The following SNX2 variants were observed in gnomAD, a reference collection of about 807,000 sequenced individuals.
The protein encoded by SNX2 is sorting nexin-2.
SNX2 carries 25 observed loss-of-function variants against 69.9 expected under a neutral mutation model. The ratio of observed to expected loss-of-function variants is 0.36; its 90% CI spans 0.26 to 0.50. SNX2 has a LOEUF of 0.50. Among genes scored for constraint, SNX2 ranks in the 20% least tolerant of loss-of-function variants. The pLI is 0.97. For missense variants in SNX2, 551 were observed against 613.3 expected (o/e 0.90, Z 1.07); for synonymous variants, 229 against 200.4 (o/e 1.14, Z -1.20).
chr5:122,809,951 A>T (rs1473490873), intron 7 of SNX2, among the ~76,000 whole-genome samples: 7 of 152,174 alleles, frequency 4.6e-5, no homozygotes, highest in Non-Finnish European at 1.0e-4. Flanking sequence ...TTATTGTAGG[A>T]GAGGTCATAG....
intron 3 of SNX2, 59 bp from the exon 4 acceptor site, chr5:122,801,810 G>T: frequency 1.9e-6 from 2 of 1,067,540 alleles, no homozygotes; most frequent in Non-Finnish European, 2.8e-6. Flanking sequence ...AAAAATTAGT[G>T]TCATGACAAT....
chr5:122,791,076 C>T (rs1753223860), intron 1 of SNX2, among the ~76,000 whole-genome samples: 1 of 151,144 alleles, frequency 6.6e-6, no homozygotes, highest in Non-Finnish European at 1.5e-5. Context: ...ATATTGGAGC[C>T]ACTCTGCCAT....
rs1754315429 is a variant in SNX2 at position 122,832,488 on chromosome 5, T to C, written c.*2840T>C. On this transcript the variant is annotated 3_prime_UTR_variant, in exon 15 of 15. Transcript: ENST00000379516. The stretch of plus-strand genomic sequence containing the variant: ...TTTCAAGTATTCAGCTTTATACTAA[T>C]ATATTAATCTCAAAATACCTTTGTT... 6.6e-6 allele frequency: 1 copy of C among 152,216 alleles called. No individual in the cohort carries two copies. Among genetic ancestry groups the C allele is most frequent in the Non-Finnish European group, 1.5e-5 (1 of 68,038 alleles). The allele number at this position is 152,216 out of a possible 1,614,324, so 9.4% of individuals were successfully genotyped here. A position where few individuals can be genotyped will look rare whatever the true frequency, so the allele number is the denominator to read the frequency against.
At chr5:122,807,687 C>T (rs1753688101) in intron 6 of SNX2, among the ~76,000 whole-genome samples, 1 of 152,156 alleles carries the variant, frequency 6.6e-6, no homozygotes, top group Non-Finnish European at 1.5e-5. Flanking sequence ...ATTAACATGA[C>T]TTATTTTTTA....
chr5:122,827,821 G>GTT lies in SNX2; in HGVS notation c.1509+188_1509+189dup, dbSNP rs5871011. The GTT allele has an allele frequency of 5.1e-3, 2,273 of 447,024 alleles. 17 individuals carry two copies. The highest frequency in any genetic ancestry group is 0.028 in the African/African-American group (1,298 of 46,874). The allele number at this position is 447,024 out of a possible 1,614,324, so 27.7% of individuals were successfully genotyped here. A position where few individuals can be genotyped will look rare whatever the true frequency, so the allele number is the denominator to read the frequency against. On this transcript the variant is annotated intron_variant, in intron 14 of 14. Transcript: ENST00000379516. Reference sequence around the variant, plus strand: ...AAACTAATCGGAAACTATCTCACGTGTTTTTTTTTTTTTTGCCTCTGCTTA... The same window carrying GTT: ...AAACTAATCGGAAACTATCTCACGTGTTTTTTTTTTTTTTTTGCCTCTGCTTA...
intron 6 of SNX2, among the ~76,000 whole-genome samples, chr5:122,806,168 A>ACACACACACACACACACACACC (rs1491247026): frequency 1.9e-4 from 27 of 145,762 alleles, no homozygotes; most frequent in African/African-American, 2.5e-4. Flanking sequence ...ACACACACAC[A>ACACACACACACACACACACACC]GCCCACCATT....
intron 7 of SNX2, among the ~76,000 whole-genome samples, chr5:122,812,541 T>C (rs1233319604): frequency 6.6e-6 from 1 of 152,244 alleles, no homozygotes; most frequent in Non-Finnish European, 1.5e-5. Context: ...ACCTATTCTA[T>C]TTATATTGCC....
intron 1 of SNX2, among the ~76,000 whole-genome samples, chr5:122,793,491 T>A (rs2150004798): frequency 6.6e-6 from 1 of 152,344 alleles, no homozygotes; most frequent in South Asian, 2.1e-4. Context: ...CTAGGTTTGA[T>A]GGTAATGGTC....
At chr5:122,789,779 A>C (rs1022707039) in intron 1 of SNX2, among the ~76,000 whole-genome samples, 3 of 152,218 alleles carry the variant, frequency 2.0e-5, no homozygotes, top group Non-Finnish European at 2.9e-5. Context: ...GCCCACTTTC[A>C]GGACAAAACT....
At chr5:122,827,509 T>C in intron 13 of SNX2, 50 bp downstream of exon 13, 6 of 1,602,794 alleles carry the variant, frequency 3.7e-6, no homozygotes, top group Non-Finnish European at 5.1e-6. Flanking sequence ...CACATTTTGC[T>C]GCAATTTTGT....
rs1754170811 is a variant in SNX2, at chr5:122,827,282, A to G, written c.1357-97A>G. ...TGCATTGCCAATATTGAGCTTTCTC[A>G]GGATTTTCAGGCATTGTGATTAAAT... On this transcript the variant is annotated intron_variant, in intron 12 of 14. Coordinates refer to ENST00000379516, the MANE Select transcript of SNX2 (RefSeq NM_003100.4). The G allele has an allele frequency of 4.0e-6, 4 of 988,334 alleles. 1 individual carries two copies. The highest frequency in any genetic ancestry group is 6.1e-6 in the Non-Finnish European group (4 of 652,238). The allele number at this position is 988,334 out of a possible 1,614,324, so 61.2% of individuals were successfully genotyped here.
At chr5:122,827,756 T>G in intron 14 of SNX2, 110 bp downstream of exon 14, 1 of 743,724 alleles carries the variant, frequency 1.3e-6, no homozygotes, top group Non-Finnish European at 2.2e-6. Context: ...GAATAAGAAA[T>G]GGAAGACAGA....
chr5:122,820,305 A>G (rs887559020), intron 11 of SNX2, among the ~76,000 whole-genome samples: 1 of 152,194 alleles, frequency 6.6e-6, no homozygotes, highest in Non-Finnish European at 1.5e-5. Flanking sequence ...TGGGAGGCCG[A>G]GGCGGGTGGA....
rs1397726117 is a variant in SNX2 at position 122,804,491 on chromosome 5, G to T, written c.643+878G>T. Among the ~76,000 whole-genome samples, 6 of 151,018 alleles carry T rather than the reference G, an allele frequency of 4.0e-5. No homozygotes were observed. In the South Asian group the frequency reaches 1.3e-3, roughly 32 times the overall value. Reference sequence around the variant, plus strand: ...AGTGATTCCCCTGCCCCAGCCTTCCGAGTAGCTAGGACTGCAGGCACACAC... The same window carrying T: ...AGTGATTCCCCTGCCCCAGCCTTCCTAGTAGCTAGGACTGCAGGCACACAC... On this transcript the variant is annotated intron_variant, in intron 6 of 14. Coordinates refer to ENST00000379516, the MANE Select transcript of SNX2 (RefSeq NM_003100.4).
At chr5:122,807,348 AT>A (rs1293972953) in intron 6 of SNX2, among the ~76,000 whole-genome samples, 19 of 152,126 alleles carry the variant, frequency 1.2e-4, no homozygotes, top group Admixed American at 1.2e-3. Flanking sequence ...ATTTTAGAAT[AT>A]TTTTATTACC....
intron 6 of SNX2, among the ~76,000 whole-genome samples, chr5:122,806,094 A>ACG (rs1753636407): frequency 2.4e-5 from 3 of 124,700 alleles, no homozygotes; most frequent in African/African-American, 9.1e-5. Context: ...TAAAACTTTT[A>ACG]TGTGTGTGTG....
intron 1 of SNX2, among the ~76,000 whole-genome samples, chr5:122,782,037 A>T (rs1315090053): frequency 6.6e-6 from 1 of 152,170 alleles, no homozygotes; most frequent in African/African-American, 2.4e-5. Context: ...AAAAATCTGG[A>T]TCTTCTCCTC....
intron 7 of SNX2, among the ~76,000 whole-genome samples, chr5:122,809,952 G>C (rs1177559122): frequency 6.6e-6 from 1 of 152,144 alleles, no homozygotes; most frequent in Non-Finnish European, 1.5e-5. Flanking sequence ...TATTGTAGGA[G>C]AGGTCATAGA....
chr5:122,799,833 T>G lies in SNX2; in HGVS notation c.368T>G (p.Ile123Ser), dbSNP rs772393169. ...TCAAAGAGTATGTCTGCTCCCGTGA[T>G]CTTTGATAGATCCAGGGAAGAGGTA... ...IESKSMSAPVIFDRSREEIEE... is the reference protein window; with the variant it reads ...IESKSMSAPVSFDRSREEIEE... Residue 123 changes from isoleucine (I) to serine (S), a missense_variant, in exon 3 of 15, where the codon ATC becomes AGC. Coordinates refer to ENST00000379516, the MANE Select transcript of SNX2 (RefSeq NM_003100.4). 3 of 1,612,190 alleles carry G rather than the reference T, an allele frequency of 1.9e-6. No homozygotes were observed. In the East Asian group the frequency reaches 6.7e-5, roughly 36 times the overall value.
Sources: allele counts gnomAD v4.1 joint callset (sites outside exome capture counted in the v4.1 genomes callset), GRCh38; gene constraint gnomAD v4.1.1; transcripts MANE v1.5; gene names NCBI Gene and HGNC (gene_info 2026-07-23, HGNC 2026-07-21).